Variants in EIF4E3 observed in about 807,000 individuals in gnomAD.
EIF4E3 encodes eukaryotic translation initiation factor 4E type 3.
Under a neutral mutation model 31.7 loss-of-function variants are expected in EIF4E3, and 26 were observed. That is an observed-to-expected ratio of 0.82 (90% confidence interval 0.60 to 1.14). EIF4E3 has a LOEUF of 1.14. EIF4E3 is among the 50% of genes most tolerant of loss of function. The pLI, the probability that EIF4E3 is intolerant of heterozygous loss-of-function variation, is 0.00. For missense variants in EIF4E3, 304 were observed against 270.9 expected (o/e 1.12, Z -0.86); for synonymous variants, 128 against 107.7 (o/e 1.19, Z -1.17).
intron 1 of EIF4E3, among the ~76,000 whole-genome samples, chr3:71,743,496 G>C (rs1229093446): frequency 1.3e-5 from 2 of 152,090 alleles, no homozygotes; most frequent in Admixed American, 6.5e-5. Context: ...AAGAAATGAA[G>C]AGATACACCT....
chr3:71,661,037 T>A, the EIF4E3 span, among the ~76,000 whole-genome samples: 4 of 152,118 alleles, frequency 2.6e-5, no homozygotes. Context: ...CATCAACTTG[T>A]GAATTTTCCA....
chr3:71,751,862 G>A (rs952099255), intron 1 of EIF4E3, among the ~76,000 whole-genome samples: 3 of 152,174 alleles, frequency 2.0e-5, no homozygotes, highest in Non-Finnish European at 4.4e-5. Flanking sequence ...TTCAGTCCTT[G>A]AGCCAATAAA....
the EIF4E3 span, among the ~76,000 whole-genome samples, chr3:71,661,800 C>T: frequency 6.6e-6 from 1 of 152,152 alleles, no homozygotes; most frequent in Non-Finnish European, 1.5e-5. Flanking sequence ...TCTGTTTCCT[C>T]ATTTGTCAAA....
intron 4 of EIF4E3, among the ~76,000 whole-genome samples, 157 bp downstream of exon 4, chr3:71,696,303 G>A (rs1294207435): frequency 6.6e-6 from 1 of 152,210 alleles, no homozygotes; most frequent in Non-Finnish European, 1.5e-5. Context: ...GACAGTGAAA[G>A]GCAGAAAATC....
intron 1 of EIF4E3, among the ~76,000 whole-genome samples, chr3:71,740,615 T>A (rs1578388741): frequency 6.6e-6 from 1 of 152,088 alleles, no homozygotes; most frequent in East Asian, 1.9e-4. Flanking sequence ...GCACCTGTAG[T>A]CCCAGCTACT....
chr3:71,716,053 CTA>C (rs1158242124), intron 1 of EIF4E3, among the ~76,000 whole-genome samples: 1 of 152,172 alleles, frequency 6.6e-6, no homozygotes. Context: ...GTGGGCCCAC[CTA>C]CTGTTTCTGC....
At chr3:71,693,504 G>C (rs571599051) in intron 5 of EIF4E3, among the ~76,000 whole-genome samples, 1 of 152,236 alleles carries the variant, frequency 6.6e-6, no homozygotes, top group South Asian at 2.1e-4. Context: ...GGAAGAACTG[G>C]AACAGATAAT....
At chr3:71,701,873 T>G (rs960957158) in intron 2 of EIF4E3, among the ~76,000 whole-genome samples, 4 of 152,164 alleles carry the variant, frequency 2.6e-5, no homozygotes, top group Admixed American at 2.6e-4. Flanking sequence ...GCTAGTGTAG[T>G]GAGGAGTTAA....
rs1427314384 is a variant in EIF4E3 at position 71,713,813 on chromosome 3, T to C, written c.177-3329A>G. Among the ~76,000 whole-genome samples the C allele has an allele frequency of 5.9e-5, 9 of 152,222 alleles. 1 individual carries two copies. The South Asian group carries it at 1.9e-3, about 32-fold the overall frequency. ...AACAATATTAAAATAGTCTTTCCAA[T>C]GGATAGGGTAGGGAAGATCTTCACA... On this transcript the variant is annotated intron_variant, in intron 1 of 6. Transcript: ENST00000425534.
intron 2 of EIF4E3, among the ~76,000 whole-genome samples, chr3:71,702,430 G>C (rs993266152): frequency 6.6e-6 from 1 of 152,182 alleles, no homozygotes; most frequent in Non-Finnish European, 1.5e-5. Context: ...GTCAAATCTT[G>C]ACTTTTTAAC....
intron 2 of EIF4E3, among the ~76,000 whole-genome samples, chr3:71,700,804 C>A (rs1404138127): frequency 6.6e-6 from 1 of 152,118 alleles, no homozygotes; most frequent in African/African-American, 2.4e-5. Context: ...ACAAGCTGCG[C>A]AAGATACACA....
downstream of EIF4E3, among the ~76,000 whole-genome samples, chr3:71,674,597 A>G (rs888798235): frequency 2.0e-5 from 3 of 152,174 alleles, no homozygotes; most frequent in African/African-American, 7.2e-5. Context: ...AAGCAGTTAG[A>G]AGACTAATGG....
At chr3:71,659,501 G>A in the EIF4E3 span, among the ~76,000 whole-genome samples, 1 of 152,324 alleles carries the variant, frequency 6.6e-6, no homozygotes, top group Non-Finnish European at 1.5e-5. Flanking sequence ...GACAGGATGT[G>A]ATTCTTATGT....
At chr3:71,693,818 C>A in intron 5 of EIF4E3, 57 bp downstream of exon 5, 1 of 1,410,360 alleles carries the variant, frequency 7.1e-7, no homozygotes. Flanking sequence ...CTGCAAGAAA[C>A]AAGCACAAGC....
chr3:71,688,263 C>T (rs1351388089), intron 6 of EIF4E3, among the ~76,000 whole-genome samples: 2 of 152,206 alleles, frequency 1.3e-5, no homozygotes, highest in Non-Finnish European at 2.9e-5. Context: ...TGCCCTTTGA[C>T]AATCTTATCT....
At chr3:71,748,439 C>G (rs755651462) in intron 1 of EIF4E3, among the ~76,000 whole-genome samples, 3 of 152,102 alleles carry the variant, frequency 2.0e-5, no homozygotes, top group Non-Finnish European at 4.4e-5. Context: ...GGTTTTCACC[C>G]TCTTCCAGAG....
intron 2 of EIF4E3, among the ~76,000 whole-genome samples, chr3:71,705,479 G>T (rs1157196663): frequency 6.6e-6 from 1 of 152,170 alleles, no homozygotes; most frequent in Non-Finnish European, 1.5e-5. Flanking sequence ...AAACGATGCT[G>T]AATTTCCACT....
chr3:71,698,560 C>T (rs576634971), intron 3 of EIF4E3, among the ~76,000 whole-genome samples: 27 of 152,340 alleles, frequency 1.8e-4, no homozygotes, highest in African/African-American at 5.8e-4. Context: ...GTTGACTCCA[C>T]GTCCTAGCTT....
At chr3:71,754,306 C>CGGGGGCGCCGCCGGGCGCGCT, upstream of EIF4E3, 1 of 1,154,386 alleles carries the variant, frequency 8.7e-7, no homozygotes, top group Non-Finnish European at 1.1e-6. This position sits in a 1 kb window ranked among gnomAD's most constrained non-coding sequence, Gnocchi z 5.8. Context: ...GCGGCCGCGG[C>CGGGGGCGCCGCCGGGCGCGCT]GGGGGCGCCG....
Sources: gnomAD v4.1 joint callset for allele counts (sites outside exome capture counted in the v4.1 genomes callset) on GRCh38, gnomAD v4.1.1 for gene constraint, Gnocchi (gnomAD v3.1) non-coding constraint, MANE v1.5 for transcripts, NCBI Gene and HGNC (gene_info 2026-07-23, HGNC 2026-07-21) for gene names.